The following CACNA1G variants were observed in gnomAD, a reference collection of about 807,000 sequenced individuals.
The protein encoded by CACNA1G is calcium voltage-gated channel subunit alpha1 G, also known as voltage-dependent T-type calcium channel subunit alpha-1G.
In CACNA1G, 67 loss-of-function variants were observed where a neutral mutation model predicts 219.4. The ratio of observed to expected loss-of-function variants is 0.31; its 90% CI spans 0.25 to 0.37. The LOEUF (loss-of-function observed/expected upper bound fraction) is 0.37. CACNA1G is among the 10% of genes least tolerant of loss of function. The probability of loss-of-function intolerance (pLI) is 1.00; values close to 1 mark genes in which losing one functional copy is unlikely to be tolerated. For missense variants in CACNA1G, 2,380 were observed against 3,231.4 expected (o/e 0.74, Z 6.39); for synonymous variants, 1,296 against 1,345.3 (o/e 0.96, Z 0.80).
chr17:50,598,047 T>C (rs2045913333), intron 16 of CACNA1G, among the ~76,000 whole-genome samples: 1 of 152,176 alleles, frequency 6.6e-6, no homozygotes, highest in South Asian at 2.1e-4. Context: ...TTCTTTCTTT[T>C]CCTTTCCGCT....
In CACNA1G at chr17:50,627,331, T is replaced by A. The variant is rs2053966187; in HGVS notation, c.*580T>A. The stretch of plus-strand genomic sequence containing the variant: ...TAACTTATTTTTTCCTTTAACCTCG[T>A]CATCATTTTCTGTAGGGAAAAAAAA... On this transcript the variant is annotated 3_prime_UTR_variant, in exon 38 of 38. Transcript: ENST00000359106. The A allele has an allele frequency of 9.9e-6, 4 of 403,210 alleles. No individual in the cohort carries two copies. The highest frequency in any genetic ancestry group is 2.0e-5 in the Non-Finnish European group (4 of 204,958). 25.0% of individuals were successfully genotyped at this position (403,210 alleles called of 1,614,324 possible).
At chr17:50,562,476 G>C (rs2036129409) in intron 1 of CACNA1G, among the ~76,000 whole-genome samples, 2 of 152,090 alleles carry the variant, frequency 1.3e-5, no homozygotes, top group Admixed American at 1.3e-4. Context: ...CCAGTGCCGC[G>C]GGTGCCTCCT....
chr17:50,579,089 G>T (rs1440405473), intron 9 of CACNA1G, among the ~76,000 whole-genome samples: 1 of 152,154 alleles, frequency 6.6e-6, no homozygotes, highest in Non-Finnish European at 1.5e-5. Context: ...AATCTTTCCT[G>T]GCCTCCCGTC....
chr17:50,615,771 G>A (rs2050408996), intron 27 of CACNA1G, among the ~76,000 whole-genome samples: 1 of 152,242 alleles, frequency 6.6e-6, no homozygotes, highest in African/African-American at 2.4e-5. Context: ...TCCAGCAAAT[G>A]TTGAGCGTCT....
At chr17:50,604,307 G>A (rs755457363) in intron 22 of CACNA1G, 26 bp downstream of exon 22, 2 of 1,610,456 alleles carry the variant, frequency 1.2e-6, no homozygotes, top group South Asian at 2.2e-5. Flanking sequence ...GGGGCCAGCT[G>A]TGGGTGAAAG....
At chr17:50,567,368 G>A (rs1200232597) in intron 1 of CACNA1G, among the ~76,000 whole-genome samples, 1 of 152,162 alleles carries the variant, frequency 6.6e-6, no homozygotes, top group Non-Finnish European at 1.5e-5. Flanking sequence ...CCTGGGTGGT[G>A]GAGAAGAGAC....
At position 50,575,664 on chromosome 17, in the gene CACNA1G, G is replaced by A. The variant is rs778433453; in HGVS notation, c.1262G>A (p.Ser421Asn). The change falls in exon 8 of 38, where the codon AGC (serine) becomes AAC (asparagine). Residue 421 changes from serine to asparagine, a missense_variant. Ser to Asn is a conservative substitution (Grantham distance 46). Coordinates refer to ENST00000359106, the MANE Select transcript of CACNA1G (RefSeq NM_018896.5). ...EQRVRFLSNA[S>N]TLASFSEPGS... ...CGTGTGCGGTTCCTGTCCAACGCCA[G>A]CACCCTGGCTAGCTTCTCTGAGCCC... 8.1e-6 allele frequency: 13 copies of A among 1,613,328 alleles called. No individual in the cohort carries two copies. The highest frequency in any genetic ancestry group is 1.1e-5 in the Non-Finnish European group (13 of 1,179,704).
intron 36 of CACNA1G, 33 bp from the exon 37 acceptor site, chr17:50,624,327 C>CCCCCCCCCCCCCCCCCTT: frequency 9.1e-7 from 1 of 1,098,676 alleles, no homozygotes; most frequent in Non-Finnish European, 1.4e-6. Flanking sequence ...CATTCTCTCC[C>CCCCCCCCCCCCCCCCCTT]CCCACCCCTC....
Position 50,575,815 on chromosome 17 carries a change from C to T in CACNA1G, c.1413C>T (p.Leu471=), listed in dbSNP as rs1035151867. 18 of 1,551,104 alleles carry T rather than the reference C, an allele frequency of 1.2e-5. No homozygotes were observed. The highest frequency in any genetic ancestry group is 3.6e-5 in the South Asian group (3 of 84,164). ...RVGLLSSPAP[L]GGQETQPSSS... is the part of the protein sequence containing the mutation. ...GGCTGCTCAGCAGCCCAGCACCCCT[C>T]GGGGGCCAGGAGACCCAGCCCAGCA... The change falls in exon 8 of 38, where the codon CTC becomes CTT. Residue 471 remains leucine (L), a synonymous_variant. Coordinates refer to ENST00000359106, the MANE Select transcript of CACNA1G (RefSeq NM_018896.5).
At chr17:50,595,180 G>A (rs533204590) in intron 14 of CACNA1G, 119 bp downstream of exon 14, 46 of 745,640 alleles carry the variant, frequency 6.2e-5, no homozygotes, top group African/African-American at 4.0e-4. Flanking sequence ...TGTCATAGCC[G>A]TGATGGTCAT....
chr17:50,584,567 T>A (rs542065899), intron 9 of CACNA1G, among the ~76,000 whole-genome samples: 1 of 118,492 alleles, frequency 8.4e-6, no homozygotes, highest in African/African-American at 3.3e-5. Flanking sequence ...GATGCAGGCA[T>A]AACTGATAGG....
At chr17:50,619,085 G>C in intron 33 of CACNA1G, 77 bp downstream of exon 33, 1 of 1,185,086 alleles carries the variant, frequency 8.4e-7, no homozygotes, top group African/African-American at 1.5e-5. Flanking sequence ...CGGGAGCCAA[G>C]CGGGCAGCAC....
At chr17:50,564,902 C>T (rs950778552) in intron 1 of CACNA1G, among the ~76,000 whole-genome samples, 1 of 152,158 alleles carries the variant, frequency 6.6e-6, no homozygotes. Flanking sequence ...CCCAGGCCCA[C>T]TTTCCTTCTG....
rs772624455 is a variant in CACNA1G, at chr17:50,618,931, G to C, written c.5704G>C (p.Asp1902His). The C allele has an allele frequency of 1.9e-6, 3 of 1,602,214 alleles. No individual in the cohort carries two copies. In the African/African-American group the frequency reaches 4.0e-5, roughly 21 times the overall value. Residue 1902 changes from aspartate to histidine, a missense_variant, in exon 33 of 38, where the codon GAC becomes CAC. Asp to His is a moderately conservative substitution (Grantham distance 81). Transcript: ENST00000359106. This position sits in a 1 kb window ranked among gnomAD's most constrained non-coding sequence, Gnocchi z 5.3. ...WPGVEGPDSP[D>H]SPKPGALHPA... ...TGGGGTCGAGGGCCCCGACAGCCCC[G>C]ACAGCCCCAAGCCTGGGGCTCTGCA...
Position 50,561,256 on chromosome 17 carries a change from TCCCTGCGC to T in CACNA1G, c.-200_-193del. 1.8e-6 allele frequency: 1 copy of T among 570,184 alleles called. No individual in the cohort carries two copies. The highest frequency in any genetic ancestry group is 3.0e-6 in the Non-Finnish European group (1 of 333,242). 35.3% of individuals were successfully genotyped at this position (570,184 alleles called of 1,614,324 possible). On this transcript the variant is annotated 5_prime_UTR_variant, in exon 1 of 38. Coordinates refer to ENST00000359106, the MANE Select transcript of CACNA1G (RefSeq NM_018896.5). Reference sequence around the variant, plus strand: ...AGCGGGACTCGCGCCGGGCGGGGTTTCCCTGCGCCCCGGCGCCCCGCGGGCAGCATGCC... The same window carrying T: ...AGCGGGACTCGCGCCGGGCGGGGTTTCCCGGCGCCCCGCGGGCAGCATGCC...
Position 50,571,975 on chromosome 17 carries a change from C to A in CACNA1G, c.684C>A (p.Val228=). Residue 228 remains valine, a synonymous_variant, in exon 5 of 38, where the codon GTC becomes GTA. Coordinates refer to ENST00000359106, the MANE Select transcript of CACNA1G (RefSeq NM_018896.5). This position sits in a 1 kb window ranked among gnomAD's most constrained non-coding sequence, Gnocchi z 4.3. ...TCGTCTTCTTCATCTTCGGCATCGT[C>A]GGCGTCCAGCTGTGGGCAGGGCTGC... ...CFFVFFIFGI[V]GVQLWAGLLR... is the part of the protein sequence containing the mutation. The A allele has an allele frequency of 6.2e-7, 1 of 1,613,964 alleles. No individual in the cohort carries two copies. Among genetic ancestry groups the A allele is most frequent in the Non-Finnish European group, 8.5e-7 (1 of 1,179,848 alleles).
Position 50,561,564 on chromosome 17 carries a change from G to A in CACNA1G, c.105G>A (p.Gly35=). Residue 35 remains glycine, a synonymous_variant, in exon 1 of 38, where the codon GGG becomes GGA. Coordinates refer to ENST00000359106, the MANE Select transcript of CACNA1G (RefSeq NM_018896.5). Reference sequence around the variant, plus strand: ...GGGCCGGGGGCCGGCCGGGGCCGGGGTCAGCAGAAAAGGACCCGGGCAGCG... The same window carrying A: ...GGGCCGGGGGCCGGCCGGGGCCGGGATCAGCAGAAAAGGACCCGGGCAGCG... ...LSGAGGRPGP[G]SAEKDPGSAD... is the part of the protein sequence containing the mutation. The A allele has an allele frequency of 6.5e-7, 1 of 1,549,106 alleles. No individual in the cohort carries two copies. Among genetic ancestry groups the A allele is most frequent in the Middle Eastern group, 1.8e-4 (1 of 5,592 alleles).
chr17:50,599,842 G>T lies in CACNA1G; in HGVS notation c.3673G>T (p.Asp1225Tyr), dbSNP rs1171766628. 1 of 1,607,514 alleles carries T rather than the reference G, an allele frequency of 6.2e-7. No individual in the cohort carries two copies. Among genetic ancestry groups the T allele is most frequent in the Non-Finnish European group, 8.5e-7 (1 of 1,179,350 alleles). ...DDPPLDGDDADDEGNLSKGER... is the reference protein window; with the variant it reads ...DDPPLDGDDAYDEGNLSKGER... Reference sequence around the variant, plus strand: ...CCCCCCACTGGATGGGGATGACGCCGATGACGAGGGCAACCTGGTGAGGCC... The same window carrying T: ...CCCCCCACTGGATGGGGATGACGCCTATGACGAGGGCAACCTGGTGAGGCC... Residue 1225 changes from aspartate (D) to tyrosine (Y), a missense_variant, in exon 17 of 38, where the codon GAT becomes TAT. Physicochemically the swap from Asp to Tyr is radical, Grantham distance 160 (BLOSUM62 -3). Transcript: ENST00000359106.
At chr17:50,589,939 T>C (rs2043915438) in intron 9 of CACNA1G, among the ~76,000 whole-genome samples, 1 of 151,818 alleles carries the variant, frequency 6.6e-6, no homozygotes, top group Non-Finnish European at 1.5e-5. Flanking sequence ...TGTGTGTGTG[T>C]GTGTGTGTGT....
Sources: gnomAD v4.1 joint callset for allele counts (sites outside exome capture counted in the v4.1 genomes callset) on GRCh38, gnomAD v4.1.1 for gene constraint, Gnocchi (gnomAD v3.1) non-coding constraint, MANE v1.5 for transcripts, NCBI Gene and HGNC (gene_info 2026-07-23, HGNC 2026-07-21) for gene names.